Variants in CHIC1 observed in about 807,000 individuals in gnomAD.
The protein encoded by CHIC1 is cysteine-rich hydrophobic domain-containing protein 1.
CHIC1 carries 7 observed loss-of-function variants against 18.5 expected under a neutral mutation model. The observed-to-expected ratio is 0.38, with a 90% confidence interval of 0.22 to 0.71. The LOEUF (loss-of-function observed/expected upper bound fraction) is 0.71. Ranked by LOEUF, CHIC1 falls within the 30% of genes least tolerant of loss-of-function variation. The probability of loss-of-function intolerance (pLI) is 0.49; values close to 1 mark genes in which losing one functional copy is unlikely to be tolerated. For synonymous variants in CHIC1, 77 were observed against 73.5 expected (o/e 1.05, Z -0.25); for missense variants, 159 against 176.9 (o/e 0.90, Z 0.57).
At chrX:73,649,579 A>G (rs962971482) in intron 3 of CHIC1, among the ~76,000 whole-genome samples, 1 of 112,005 alleles carries the variant, frequency 8.9e-6, no homozygotes, top group Non-Finnish European at 1.9e-5. Flanking sequence ...AACAAAGATC[A>G]AAACAGACAA....
At chrX:73,584,638 T>C (rs1275593230) in intron 3 of CHIC1, 66 bp downstream of exon 3, 2 of 812,423 alleles carry the variant, frequency 2.5e-6, no homozygotes, top group Non-Finnish European at 1.7e-6. Flanking sequence ...TACTATGTGC[T>C]ATGAACTCTT....
intron 3 of CHIC1, among the ~76,000 whole-genome samples, chrX:73,589,588 A>G (rs937900939): frequency 1.8e-5 from 2 of 111,080 alleles, no homozygotes; most frequent in Non-Finnish European, 3.8e-5. Flanking sequence ...GTCCATTAAC[A>G]GATTTATGAT....
chrX:73,649,520 C>CA (rs974026095), intron 3 of CHIC1, among the ~76,000 whole-genome samples: 4 of 110,904 alleles, frequency 3.6e-5, no homozygotes, highest in South Asian at 7.6e-4. Flanking sequence ...AAATGGGAAT[C>CA]AAAAAAAGCA....
In CHIC1 at chrX:73,571,170, C is replaced by T. The variant is rs1233494038; in HGVS notation, c.297-6237C>T. On this transcript the variant is annotated intron_variant, in intron 1 of 5. Transcript: ENST00000373502. ...TGAAGGATATATCTGTCTGTATTGACTATATATTTGATATCTAGTAGGGGA... is the reference window on the plus strand; with the variant it reads ...TGAAGGATATATCTGTCTGTATTGATTATATATTTGATATCTAGTAGGGGA... 6.4e-5 allele frequency among the ~76,000 whole-genome samples: 7 copies of T among 109,526 alleles called. No individual in the cohort carries two copies. The East Asian group carries it at 1.4e-3, about 22-fold the overall frequency.
At chrX:73,679,445 A>C (rs2058086843) in intron 4 of CHIC1, 63 bp downstream of exon 4, 1 of 815,470 alleles carries the variant, frequency 1.2e-6, no homozygotes, top group Non-Finnish European at 1.8e-6. Context: ...TTGAAAAATA[A>C]ATACAAAATG....
At chrX:73,585,007 C>T (rs2057546171) in intron 3 of CHIC1, among the ~76,000 whole-genome samples, 1 of 111,505 alleles carries the variant, frequency 9.0e-6, no homozygotes, top group South Asian at 3.7e-4. Flanking sequence ...GCTAGCATAG[C>T]ATTACTACTT....
rs561518197 is a variant in CHIC1 at position 73,622,286 on chromosome X, T to C, written c.507+37714T>C. Among the ~76,000 whole-genome samples, 7 of 112,019 alleles carry C rather than the reference T, an allele frequency of 6.2e-5. No individual in the cohort carries two copies. The South Asian group carries it at 2.6e-3, about 42-fold the overall frequency. ...AGAAGGCATGGTACCAGCTCCTGTT[T>C]GTACCTCTTGTAGAATTCGGCTGTG... On this transcript the variant is annotated intron_variant, in intron 3 of 5. Transcript: ENST00000373502.
In CHIC1 at chrX:73,685,588, T is replaced by G. The variant is rs1462630505; in HGVS notation, c.*4583T>G. On this transcript the variant is annotated 3_prime_UTR_variant, in exon 6 of 6. Transcript: ENST00000373502. ...TTTAATTATTGGCTCTGCTGCTTAA[T>G]TCCTCTGTACCTCACGTCCTCATTG... 9.0e-6 allele frequency: 1 copy of G among 111,662 alleles called. No individual in the cohort carries two copies. Among genetic ancestry groups the G allele is most frequent in the Non-Finnish European group, 1.9e-5 (1 of 53,013 alleles). 9.2% of individuals were successfully genotyped at this position (111,662 alleles called of 1,213,427 possible).
chrX:73,615,819 C>T (rs962330111), intron 3 of CHIC1, among the ~76,000 whole-genome samples: 8 of 110,954 alleles, frequency 7.2e-5, no homozygotes, highest in Non-Finnish European at 1.5e-4. Flanking sequence ...CAGCCTTGTT[C>T]CTGGGTCAGG....
At chrX:73,588,711 T>G (rs1356836946) in intron 3 of CHIC1, among the ~76,000 whole-genome samples, 1 of 110,599 alleles carries the variant, frequency 9.0e-6, no homozygotes, top group Non-Finnish European at 1.9e-5. Context: ...TGATCTTGAG[T>G]TTTTTTTCTT....
intron 1 of CHIC1, among the ~76,000 whole-genome samples, chrX:73,567,442 A>G (rs1339739794): frequency 2.7e-5 from 3 of 110,091 alleles, no homozygotes; most frequent in Admixed American, 9.7e-5. Context: ...CCCCACTCAC[A>G]CTTCCCACTG....
At chrX:73,665,082 G>A (rs2057998026) in intron 3 of CHIC1, among the ~76,000 whole-genome samples, 1 of 112,253 alleles carries the variant, frequency 8.9e-6, no homozygotes, top group Non-Finnish European at 1.9e-5. Flanking sequence ...CAGGCCAAGA[G>A]CTCCCCTTCT....
rs189439334 is a variant in CHIC1 at position 73,654,869 on chromosome X, T to C, written c.508-24457T>C. ...TTTCTGTAGTATCCCTTATAATGTC[T>C]CCTTTTTCAATTTGATTTTATTTAT... On this transcript the variant is annotated intron_variant, in intron 3 of 5. Coordinates refer to ENST00000373502, the MANE Select transcript of CHIC1 (RefSeq NM_001039840.4). Among the ~76,000 whole-genome samples, 217 of 112,003 alleles carry C rather than the reference T, an allele frequency of 1.9e-3. 1 individual carries two copies. Among genetic ancestry groups the C allele is most frequent in the African/African-American group, 6.8e-3 (211 of 30,855 alleles).
intron 3 of CHIC1, among the ~76,000 whole-genome samples, chrX:73,637,101 C>A (rs764246822): frequency 9.0e-6 from 1 of 110,743 alleles, no homozygotes; most frequent in African/African-American, 3.3e-5. Context: ...TATCTTAGAA[C>A]GTCTTAATTT....
At chrX:73,599,586 G>A in intron 3 of CHIC1, among the ~76,000 whole-genome samples, 1 of 104,712 alleles carries the variant, frequency 9.6e-6, no homozygotes, top group Non-Finnish European at 1.9e-5. Flanking sequence ...TTATTAAATA[G>A]GAAATCCTTT....
intron 3 of CHIC1, among the ~76,000 whole-genome samples, chrX:73,591,264 A>AC (rs945695496): frequency 9.4e-6 from 1 of 106,667 alleles, no homozygotes. Flanking sequence ...CAGGCCTATG[A>AC]CCCCCCTTTT....
At chrX:73,601,608 G>A (rs1349763215) in intron 3 of CHIC1, among the ~76,000 whole-genome samples, 1 of 103,955 alleles carries the variant, frequency 9.6e-6, no homozygotes, top group Non-Finnish European at 1.9e-5. Flanking sequence ...AGAGAAAGCA[G>A]GAAAGATCCA....
chrX:73,661,762 T>C (rs1162945516), intron 3 of CHIC1, among the ~76,000 whole-genome samples: 3 of 111,546 alleles, frequency 2.7e-5, no homozygotes, highest in Non-Finnish European at 5.6e-5. Flanking sequence ...AGAAAAAGTT[T>C]CCAGGGCTCC....
intron 3 of CHIC1, among the ~76,000 whole-genome samples, chrX:73,622,290 C>A (rs1330063553): frequency 1.8e-5 from 2 of 111,566 alleles, no homozygotes; most frequent in Non-Finnish European, 3.8e-5. Flanking sequence ...CCTGTTTGTA[C>A]CTCTTGTAGA....
Sources: allele counts gnomAD v4.1 joint callset (sites outside exome capture counted in the v4.1 genomes callset), GRCh38; gene constraint gnomAD v4.1.1; transcripts MANE v1.5; gene names NCBI Gene and HGNC (gene_info 2026-07-23, HGNC 2026-07-21).